The following RANBP2 variants were observed in gnomAD, a reference collection of about 807,000 sequenced individuals.
RANBP2 encodes the protein RAN binding protein 2, also known as E3 SUMO-protein ligase RanBP2.
A neutral mutation model predicts 303.6 loss-of-function variants in RANBP2; 57 were observed. The observed-to-expected ratio is 0.19, with a 90% confidence interval of 0.15 to 0.23. The LOEUF is 0.23. Among genes scored for constraint, RANBP2 ranks in the 10% least tolerant of loss-of-function variants. The pLI is 1.00. For missense variants in RANBP2, 3,138 were observed against 3,780.8 expected, an observed-to-expected ratio of 0.83 and a Z score of 4.46; for synonymous variants, 1,167 against 1,301.5, an observed-to-expected ratio of 0.90 and a Z score of 2.23.
the RANBP2 span, among the ~76,000 whole-genome samples, chr2:109,673,189 A>G: frequency 6.6e-6 from 1 of 152,178 alleles, no homozygotes; most frequent in Non-Finnish European, 1.5e-5. Context: ...TGAGCTGTGG[A>G]GCCTAACTCT....
At position 108,764,290 on chromosome 2, in the gene RANBP2, G is replaced by A. The variant is rs780203386; in HGVS notation, c.3751G>A (p.Asp1251Asn). Residue 1251 changes from aspartate to asparagine, a missense_variant, in exon 20 of 29, where the codon GAT (aspartate) becomes AAT (asparagine). Physicochemically the swap from Asp to Asn is conservative, Grantham distance 23. Around this residue, in one of 20 missense-constraint regions of RANBP2, gnomAD observed 72 missense variants for 119.5 expected, o/e 0.60. Transcript: ENST00000283195. ...KICANHYISP[D>N]MKLTPNAGSD... ...CTGTGCAAATCATTACATCAGTCCAGATATGAAATTGACACCAAATGCTGG... is the reference window on the plus strand; with the variant it reads ...CTGTGCAAATCATTACATCAGTCCAAATATGAAATTGACACCAAATGCTGG... The A allele has an allele frequency of 6.2e-7, 1 of 1,613,842 alleles. No homozygotes were observed. The highest frequency in any genetic ancestry group is 2.2e-5 in the East Asian group (1 of 44,888).
the RANBP2 span, among the ~76,000 whole-genome samples, chr2:108,831,394 G>A: frequency 6.6e-6 from 1 of 152,068 alleles, no homozygotes; most frequent in African/African-American, 2.4e-5. Context: ...CAAATCTTTT[G>A]AAACATTCAA....
chr2:109,666,700 A>G, the RANBP2 span, among the ~76,000 whole-genome samples: 1 of 152,318 alleles, frequency 6.6e-6, no homozygotes, highest in East Asian at 1.9e-4. Context: ...ATTGGAGGAA[A>G]AACTATGTCC....
chr2:108,912,906 C>A, the RANBP2 span: 1 of 724,326 alleles, frequency 1.4e-6, no homozygotes, highest in Non-Finnish European at 2.4e-6. Flanking sequence ...ATTTGTATTT[C>A]TTAGACTGTT....
At chr2:109,693,893 A>T in the RANBP2 span, among the ~76,000 whole-genome samples, 1 of 152,180 alleles carries the variant, frequency 6.6e-6, no homozygotes, top group Non-Finnish European at 1.5e-5. Context: ...ACCTTGGCAA[A>T]ATAACTGAGA....
At chr2:108,890,240 T>C in the RANBP2 span, among the ~76,000 whole-genome samples, 2 of 6,316 alleles carry the variant, frequency 3.2e-4, no homozygotes, top group African/African-American at 3.8e-4. Context: ...TTCTTTTTTT[T>C]TTTTTTTTTT....
chr2:108,833,426 T>A, the RANBP2 span, among the ~76,000 whole-genome samples: 1 of 152,136 alleles, frequency 6.6e-6, no homozygotes, highest in East Asian at 1.9e-4. Flanking sequence ...GATCTGTTAG[T>A]TTAAAAGTAA....
At chr2:108,828,279 GTAAAAA>G in the RANBP2 span, among the ~76,000 whole-genome samples, 1 of 151,930 alleles carries the variant, frequency 6.6e-6, no homozygotes, top group Non-Finnish European at 1.5e-5. Context: ...TACACAAATG[GTAAAAA>G]TAACAAAATG....
the RANBP2 span, among the ~76,000 whole-genome samples, chr2:109,056,037 C>T: frequency 1.3e-5 from 2 of 152,124 alleles, no homozygotes; most frequent in Non-Finnish European, 1.5e-5. Flanking sequence ...GGATTACAGG[C>T]GTGAGCCACT....
At chr2:108,732,867 A>G (rs1298972535) in intron 4 of RANBP2, among the ~76,000 whole-genome samples, 1 of 152,132 alleles carries the variant, frequency 6.6e-6, no homozygotes, top group Non-Finnish European at 1.5e-5. Context: ...TCTATTGCCC[A>G]GGTTAGAGTT....
At chr2:109,018,166 C>T in the RANBP2 span, among the ~76,000 whole-genome samples, 3 of 152,274 alleles carry the variant, frequency 2.0e-5, no homozygotes, top group African/African-American at 4.8e-5. Flanking sequence ...CTATCCATGA[C>T]GACTTCAGTG....
chr2:109,194,446 T>C, the RANBP2 span, among the ~76,000 whole-genome samples: 1 of 152,228 alleles, frequency 6.6e-6, no homozygotes, highest in Non-Finnish European at 1.5e-5. Flanking sequence ...GGCTGGCTGA[T>C]GGCAGCTGTG....
At chr2:109,033,961 A>C in the RANBP2 span, among the ~76,000 whole-genome samples, 21 of 148,870 alleles carry the variant, frequency 1.4e-4, no homozygotes, top group Admixed American at 1.4e-3. Flanking sequence ...ACTCCAAAAA[A>C]AAAAAAAAAG....
At chr2:108,956,441 C>T in the RANBP2 span, among the ~76,000 whole-genome samples, 1 of 152,238 alleles carries the variant, frequency 6.6e-6, no homozygotes, top group East Asian at 1.9e-4. Flanking sequence ...CAAATCCCTC[C>T]ATGTCCTCCA....
At chr2:108,981,389 G>A in the RANBP2 span, among the ~76,000 whole-genome samples, 1 of 152,210 alleles carries the variant, frequency 6.6e-6, no homozygotes, top group African/African-American at 2.4e-5. Context: ...TGAGGTTGAA[G>A]TTGTCTGGCG....
chr2:109,205,508 C>A, the RANBP2 span, among the ~76,000 whole-genome samples: 2 of 152,156 alleles, frequency 1.3e-5, no homozygotes, highest in Non-Finnish European at 2.9e-5. Flanking sequence ...CATCCACCTC[C>A]CAAAGTGCTG....
the RANBP2 span, among the ~76,000 whole-genome samples, chr2:109,112,833 A>G: frequency 5.3e-5 from 8 of 152,200 alleles, no homozygotes; most frequent in East Asian, 3.9e-4. Context: ...AAGGGATCCA[A>G]TTTCAGCTTT....
At chr2:108,999,604 C>T in the RANBP2 span, among the ~76,000 whole-genome samples, 1 of 152,142 alleles carries the variant, frequency 6.6e-6, no homozygotes. Flanking sequence ...TATGGCGACG[C>T]CACATGGAGA....
chr2:109,561,265 C>T, the RANBP2 span, among the ~76,000 whole-genome samples: 4 of 152,196 alleles, frequency 2.6e-5, no homozygotes, highest in Non-Finnish European at 5.9e-5. Flanking sequence ...GCTCTGTTTT[C>T]CCCAAGTTAC....
Sources: gnomAD v4.1 joint callset for allele counts (sites outside exome capture counted in the v4.1 genomes callset) on GRCh38, gnomAD v4.1.1 for gene constraint, gnomAD v4.1.1 regional missense constraint, MANE v1.5 for transcripts, NCBI Gene and HGNC (gene_info 2026-07-23, HGNC 2026-07-21) for gene names.